The following ASB17 variants were observed in gnomAD, a reference collection of about 807,000 sequenced individuals.
ASB17 encodes the protein ankyrin repeat and SOCS box containing 17, also known as ankyrin repeat and SOCS box protein 17.
ASB17 carries 26 observed loss-of-function variants against 25.7 expected under a neutral mutation model. That is an observed-to-expected ratio of 1.01 (90% CI 0.74 to 1.40). ASB17 has a LOEUF of 1.40. ASB17 is among the 40% of genes most tolerant of loss of function. ASB17 has a pLI of 0.00. For synonymous variants in ASB17, 128 were observed against 121.4 expected (o/e 1.05, Z -0.36); for missense variants, 326 against 338.5 (o/e 0.96, Z 0.29).
chr1:75,925,704 C>G (rs139020922), intron 1 of ASB17, among the ~76,000 whole-genome samples: 204 of 152,228 alleles, frequency 1.3e-3, no homozygotes, highest in African/African-American at 4.8e-3. Flanking sequence ...TGTCATAATG[C>G]TTATGAAATG....
At position 75,922,196 on chromosome 1, in the gene ASB17, G is replaced by A; in HGVS notation, c.565C>T (p.Pro189Ser). Residue 189 changes from proline to serine, a missense_variant, in exon 2 of 3, where the codon CCT becomes TCT. Physicochemically the swap from Pro to Ser is moderately conservative, Grantham distance 74. Transcript: ENST00000284142. ...INIVLTIVLY[P>S]SRVRVMVDRE... ...TCAACCATTACTCTTACTCTCGAAGGGTAGAGTACTATTGTTAAGACAATG... is the reference window on the plus strand; with the variant it reads ...TCAACCATTACTCTTACTCTCGAAGAGTAGAGTACTATTGTTAAGACAATG... 6.2e-7 allele frequency: 1 copy of A among 1,613,626 alleles called. No homozygotes were observed. Among genetic ancestry groups the A allele is most frequent in the Non-Finnish European group, 8.5e-7 (1 of 1,179,732 alleles).
At chr1:75,924,726 A>G (rs1173430754) in intron 1 of ASB17, among the ~76,000 whole-genome samples, 2 of 151,994 alleles carry the variant, frequency 1.3e-5, no homozygotes, top group Non-Finnish European at 2.9e-5. Context: ...TACATTACCT[A>G]TCATTGGTAT....
chr1:75,931,842 G>A (rs187995565), intron 1 of ASB17, 49 bp downstream of exon 1: 586 of 1,491,396 alleles, frequency 3.9e-4, no homozygotes, highest in Non-Finnish European at 4.9e-4. Flanking sequence ...CTCTACTCTC[G>A]TAAAGATAAA....
At chr1:75,931,796 A>C (rs1653327011) in intron 1 of ASB17, 95 bp downstream of exon 1, 1 of 1,140,646 alleles carries the variant, frequency 8.8e-7, no homozygotes, top group Non-Finnish European at 1.2e-6. Context: ...CTTCACATAT[A>C]GCCACTATAC....
chr1:75,926,264 T>C (rs1019690410), intron 1 of ASB17, among the ~76,000 whole-genome samples: 4 of 152,194 alleles, frequency 2.6e-5, no homozygotes, highest in Non-Finnish European at 5.9e-5. Context: ...TAGCAGGTGA[T>C]GAGTGCTTGG....
chr1:75,921,953 C>T (rs1265224895), intron 2 of ASB17, 127 bp downstream of exon 2: 1 of 747,538 alleles, frequency 1.3e-6, no homozygotes, highest in African/African-American at 1.8e-5. Context: ...TATTAATAGG[C>T]ATATACTCAA....
intron 1 of ASB17, 51 bp downstream of exon 1, chr1:75,931,840 T>G (rs888895669): frequency 6.7e-7 from 1 of 1,487,666 alleles, no homozygotes; most frequent in Non-Finnish European, 9.0e-7. Context: ...CACTCTACTC[T>G]CGTAAAGATA....
At position 75,922,070 on chromosome 1, in the gene ASB17, G is replaced by C; in HGVS notation, c.681+10C>G. 1 of 1,584,000 alleles carries C rather than the reference G, an allele frequency of 6.3e-7. No individual in the cohort carries two copies. Among genetic ancestry groups the C allele is most frequent in the Non-Finnish European group, 8.6e-7 (1 of 1,163,766 alleles). On this transcript the variant is annotated intron_variant, in intron 2 of 2. Coordinates refer to ENST00000284142, the MANE Select transcript of ASB17 (RefSeq NM_080868.3). The stretch of plus-strand genomic sequence containing the variant: ...ATTTGAGCCCATTTTTTTTAAAGTA[G>C]TTTTCTTACCTTTATTTCCTTGACT...
At chr1:75,925,645 A>C (rs936112517) in intron 1 of ASB17, among the ~76,000 whole-genome samples, 2 of 152,192 alleles carry the variant, frequency 1.3e-5, no homozygotes, top group Non-Finnish European at 2.9e-5. Flanking sequence ...AGCAAGAATT[A>C]GTTTTTAAAT....
At chr1:75,920,837 C>T (rs1458108161) in intron 2 of ASB17, among the ~76,000 whole-genome samples, 3 of 152,032 alleles carry the variant, frequency 2.0e-5, no homozygotes, top group Non-Finnish European at 2.9e-5. Flanking sequence ...TGCAGTGGTG[C>T]GATCTCTGCT....
intron 1 of ASB17, among the ~76,000 whole-genome samples, chr1:75,924,895 C>T (rs1486805950): frequency 2.0e-5 from 3 of 151,820 alleles, no homozygotes; most frequent in Non-Finnish European, 4.4e-5. Context: ...CTTTGATTAC[C>T]CTGATATATC....
chr1:75,931,747 A>G lies in ASB17; in HGVS notation c.401+144T>C, dbSNP rs1571021497. The G allele has an allele frequency of 5.0e-6, 3 of 602,068 alleles. No homozygotes were observed. The East Asian group carries it at 8.8e-5, about 18-fold the overall frequency. The allele number at this position is 602,068 out of a possible 1,614,324, so 37.3% of individuals were successfully genotyped here. A position where few individuals can be genotyped will look rare whatever the true frequency, so the allele number is the denominator to read the frequency against. On this transcript the variant is annotated intron_variant, in intron 1 of 2. Transcript: ENST00000284142. ...GGAATACATAATAAAAGAGTGAAGG[A>G]GTGAACACGTGGTCAAGCAATTAGG...
chr1:75,929,229 T>TTA (rs144280194), intron 1 of ASB17, among the ~76,000 whole-genome samples: 12 of 151,200 alleles, frequency 7.9e-5, no homozygotes, highest in African/African-American at 2.9e-4. Context: ...TTATTTATTT[T>TTA]TTTTTATTTT....
At chr1:75,924,404 G>A (rs887284598) in intron 1 of ASB17, among the ~76,000 whole-genome samples, 3 of 152,022 alleles carry the variant, frequency 2.0e-5, no homozygotes, top group Admixed American at 2.0e-4. Context: ...TTCACCAAAC[G>A]CTGACATGCC....
In ASB17 at chr1:75,932,355, C is replaced by G. The variant is rs1012899360; in HGVS notation, c.-64G>C. 2 of 1,426,822 alleles carry G rather than the reference C, an allele frequency of 1.4e-6. No homozygotes were observed. The highest frequency in any genetic ancestry group is 9.5e-7 in the Non-Finnish European group (1 of 1,056,648). 88.4% of individuals were successfully genotyped at this position (1,426,822 alleles called of 1,614,324 possible). On this transcript the variant is annotated 5_prime_UTR_variant, in exon 1 of 3. It removes an upstream start codon present in the reference 5' UTR. Coordinates refer to ENST00000284142, the MANE Select transcript of ASB17 (RefSeq NM_080868.3). ...TAAGCATACTGTAATCCTCCAGTTACATATTTTGACAATGTGGCAGGCTTT... is the reference window on the plus strand; with the variant it reads ...TAAGCATACTGTAATCCTCCAGTTAGATATTTTGACAATGTGGCAGGCTTT...
At chr1:75,923,250 A>G (rs1653077346) in intron 1 of ASB17, among the ~76,000 whole-genome samples, 1 of 152,224 alleles carries the variant, frequency 6.6e-6, no homozygotes, top group African/African-American at 2.4e-5. Flanking sequence ...AGTGAGAACC[A>G]TATCAGGTCC....
intron 1 of ASB17, among the ~76,000 whole-genome samples, chr1:75,928,846 A>G (rs1236646561): frequency 6.6e-6 from 1 of 152,240 alleles, no homozygotes; most frequent in Non-Finnish European, 1.5e-5. Flanking sequence ...GAGGATAGAT[A>G]GTGAGCAAAC....
chr1:75,931,696 A>C (rs1653324745), intron 1 of ASB17, among the ~76,000 whole-genome samples, 195 bp downstream of exon 1: 1 of 152,178 alleles, frequency 6.6e-6, no homozygotes, highest in South Asian at 2.1e-4. Context: ...TTATTGGTAC[A>C]TAATAATTTA....
intron 1 of ASB17, among the ~76,000 whole-genome samples, chr1:75,928,020 C>T (rs1489823419): frequency 6.6e-6 from 1 of 152,126 alleles, no homozygotes; most frequent in Non-Finnish European, 1.5e-5. Context: ...TTTCAGTAAT[C>T]CTCCTTCTAT....
Sources: gnomAD v4.1 joint callset for allele counts (sites outside exome capture counted in the v4.1 genomes callset) on GRCh38, gnomAD v4.1.1 for gene constraint, MANE v1.5 for transcripts, NCBI Gene and HGNC (gene_info 2026-07-23, HGNC 2026-07-21) for gene names.